The following USO1 variants were observed in gnomAD, a reference collection of about 807,000 sequenced individuals.
USO1 encodes the protein USO1 vesicle transport factor, also known as general vesicular transport factor p115.
USO1 carries 57 observed loss-of-function variants against 124.5 expected under a neutral mutation model. The ratio of observed to expected loss-of-function variants is 0.46; its 90% CI spans 0.37 to 0.57. The LOEUF (loss-of-function observed/expected upper bound fraction) is 0.57. Ranked by LOEUF, USO1 falls within the 20% of genes least tolerant of loss-of-function variation. The probability of loss-of-function intolerance (pLI) is 0.00; values close to 1 mark genes in which losing one functional copy is unlikely to be tolerated. For synonymous variants in USO1, 369 were observed against 362.8 expected (o/e 1.02, Z -0.19); for missense variants, 900 against 1,040.6 (o/e 0.86, Z 1.86).
chr4:75,791,089 A>G (rs1304397233), intron 12 of USO1, among the ~76,000 whole-genome samples: 3 of 152,200 alleles, frequency 2.0e-5, no homozygotes, highest in Non-Finnish European at 2.9e-5. Flanking sequence ...ACTCATCTCT[A>G]TGTGGGGTTA....
At chr4:75,768,885 G>C (rs1560446957) in intron 4 of USO1, among the ~76,000 whole-genome samples, 1 of 152,160 alleles carries the variant, frequency 6.6e-6, no homozygotes. Flanking sequence ...TATTTATCCA[G>C]CTTCTTACTT....
Position 75,745,362 on chromosome 4 carries a change from C to T in USO1, c.67-7011C>T, listed in dbSNP as rs777779576. The T allele has an allele frequency of 5.8e-6, 3 of 519,778 alleles. No individual in the cohort carries two copies. The Admixed American group carries it at 5.8e-5, about 10-fold the overall frequency. 32.2% of individuals were successfully genotyped at this position (519,778 alleles called of 1,614,324 possible). On this transcript the variant is annotated intron_variant, in intron 1 of 23. Transcript: ENST00000514213. The stretch of plus-strand genomic sequence containing the variant: ...TCAGGGTGTTTAGTAGACAGTTGTG[C>T]AAGTGGAGCTATTCACAGGGACTGT...
chr4:75,803,380 G>C (rs186987971), intron 17 of USO1, among the ~76,000 whole-genome samples: 3 of 151,766 alleles, frequency 2.0e-5, no homozygotes, highest in Admixed American at 2.0e-4. Flanking sequence ...GGGCACGGTG[G>C]CTCACGCCTG....
intron 9 of USO1, among the ~76,000 whole-genome samples, chr4:75,785,110 T>C (rs930983388): frequency 6.6e-6 from 1 of 152,216 alleles, no homozygotes; most frequent in Non-Finnish European, 1.5e-5. Context: ...ATACTTTATG[T>C]ATAACTTTAT....
chr4:75,776,774 T>C (rs1440646984), intron 8 of USO1, among the ~76,000 whole-genome samples: 4 of 152,162 alleles, frequency 2.6e-5, no homozygotes, highest in South Asian at 2.1e-4. Flanking sequence ...CCTCATAAGA[T>C]GAGGATCCAT....
intron 3 of USO1, among the ~76,000 whole-genome samples, chr4:75,753,481 AC>A: frequency 6.6e-6 from 1 of 152,124 alleles, no homozygotes; most frequent in South Asian, 2.1e-4. Context: ...ATTACAGTTA[AC>A]CAAGATCGTC....
intron 1 of USO1, among the ~76,000 whole-genome samples, chr4:75,733,938 T>A (rs1054323082): frequency 3.4e-5 from 1 of 29,372 alleles, no homozygotes; most frequent in Non-Finnish European, 8.7e-5. Flanking sequence ...TTCGAGGATT[T>A]TTTTTTTTTT....
chr4:75,804,231 A>G lies in USO1; in HGVS notation c.2084A>G (p.Gln695Arg). 24 of 1,613,654 alleles carry G rather than the reference A, an allele frequency of 1.5e-5. No homozygotes were observed. The highest frequency in any genetic ancestry group is 2.0e-5 in the Non-Finnish European group (24 of 1,179,734). The part of the protein sequence containing the change: ...TAVTQQVSQI[Q>R]QHKDQYNLLK... ...GTCACACAGCAAGTATCACAGATCC[A>G]GCAGCACAAAGACCAGTATAATCTT... The change falls in exon 18 of 24, where the codon CAG becomes CGG. Residue 695 changes from glutamine (Q) to arginine (R), a missense_variant. Gln to Arg is a conservative substitution (Grantham distance 43). Around this residue, in one of 2 missense-constraint regions of USO1, gnomAD observed 362 missense variants for 359.0 expected, o/e 1.01. Transcript: ENST00000514213.
At chr4:75,796,930 T>C (rs1414875872) in intron 13 of USO1, among the ~76,000 whole-genome samples, 9 of 151,446 alleles carry the variant, frequency 5.9e-5, no homozygotes, top group African/African-American at 4.8e-5. Flanking sequence ...TGTTTTGTTA[T>C]GGATTTTTTT....
At chr4:75,792,414 G>A (rs1382310783) in intron 12 of USO1, among the ~76,000 whole-genome samples, 1 of 152,216 alleles carries the variant, frequency 6.6e-6, no homozygotes, top group East Asian at 1.9e-4. Context: ...ATGCATGCCT[G>A]TAATCCCAGC....
At chr4:75,770,564 TG>T in intron 5 of USO1, 25 bp downstream of exon 5, 4 of 1,544,008 alleles carry the variant, frequency 2.6e-6, no homozygotes, top group Non-Finnish European at 3.5e-6. Context: ...TTGATGTTTT[TG>T]TCATCTTAAT....
At position 75,782,716 on chromosome 4, in the gene USO1, A is replaced by T. The variant is rs1039826697; in HGVS notation, c.713A>T (p.Asn238Ile). The change falls in exon 9 of 24, where the codon AAC (asparagine) becomes ATC (isoleucine). Residue 238 changes from asparagine to isoleucine, a missense_variant. Asn to Ile is a moderately radical substitution (Grantham distance 149, BLOSUM62 -3). This residue lies in a region of USO1 where 538 missense variants were observed against 681.6 expected (regional missense o/e 0.79). Transcript: ENST00000514213. ...VVEDCLILLQ[N>I]LLKNNNSNQN... ...GAAGATTGTTTGATTTTGCTCCAAA[A>T]CTTATTAAAAAACAACAACTCCAAT... 1.9e-6 allele frequency: 3 copies of T among 1,573,966 alleles called. No individual in the cohort carries two copies. The African/African-American group carries it at 4.0e-5, about 21-fold the overall frequency.
intron 16 of USO1, 126 bp downstream of exon 16, chr4:75,800,925 C>T: frequency 7.0e-7 from 1 of 1,429,932 alleles, no homozygotes; most frequent in Non-Finnish European, 9.3e-7. Context: ...AGCTCTTGAT[C>T]TGTAGCCCAT....
At chr4:75,786,684 C>T (rs1416954150) in intron 9 of USO1, among the ~76,000 whole-genome samples, 1 of 152,160 alleles carries the variant, frequency 6.6e-6, no homozygotes, top group African/African-American at 2.4e-5. Flanking sequence ...ATTCTGTTTT[C>T]AGACCTGCTC....
intron 8 of USO1, among the ~76,000 whole-genome samples, chr4:75,776,837 G>A (rs1722084942): frequency 6.6e-6 from 1 of 151,984 alleles, no homozygotes; most frequent in Non-Finnish European, 1.5e-5. Context: ...GATTAGGTCT[G>A]GTTAAATCAG....
At chr4:75,737,278 A>T (rs1175944715) in intron 1 of USO1, among the ~76,000 whole-genome samples, 1 of 151,896 alleles carries the variant, frequency 6.6e-6, no homozygotes, top group Non-Finnish European at 1.5e-5. Flanking sequence ...AATGAATTTC[A>T]AAATGTAAAA....
Position 75,734,718 on chromosome 4 carries a change from C to CTTTTTTTTTTTTTTTTTTTTTTTTT in USO1, c.66+9837_66+9861dup, listed in dbSNP as rs55928639. Among the ~76,000 whole-genome samples, 4 of 47,464 alleles carry CTTTTTTTTTTTTTTTTTTTTTTTTT rather than the reference C, an allele frequency of 8.4e-5. 2 individuals carry two copies. Among genetic ancestry groups the CTTTTTTTTTTTTTTTTTTTTTTTTT allele is most frequent in the Admixed American group, 7.9e-4 (2 of 2,522 alleles). The allele number at this position is 47,464 out of a possible 152,430, so 31.1% of individuals were successfully genotyped here. A position where few individuals can be genotyped will look rare whatever the true frequency, so the allele number is the denominator to read the frequency against. On this transcript the variant is annotated intron_variant, in intron 1 of 23. Transcript: ENST00000514213. ...CTGTAGATTGCTTTGGGCAGTATGG[C>CTTTTTTTTTTTTTTTTTTTTTTTTT]TTTTTTTTTTTTTTTTTTTTTTTTT...
intron 4 of USO1, chr4:75,760,699 A>G (rs985283712): frequency 1.7e-5 from 5 of 291,872 alleles, no homozygotes; most frequent in Non-Finnish European, 3.2e-5. Flanking sequence ...TCTGGCTGGT[A>G]AAAAAAAAAT....
At chr4:75,803,003 GAAC>G (rs1722895314) in intron 17 of USO1, among the ~76,000 whole-genome samples, 1 of 143,972 alleles carries the variant, frequency 6.9e-6, no homozygotes, top group African/African-American at 2.5e-5. Context: ...AGAATCGCTT[GAAC>G]AACCTGGGAG....
Sources: gnomAD v4.1 joint callset for allele counts (sites outside exome capture counted in the v4.1 genomes callset) on GRCh38, gnomAD v4.1.1 for gene constraint, gnomAD v4.1.1 regional missense constraint, MANE v1.5 for transcripts, NCBI Gene and HGNC (gene_info 2026-07-23, HGNC 2026-07-21) for gene names.